CNTNAP2: variants seen among roughly 807,000 people sequenced by gnomAD.
The protein encoded by CNTNAP2 is contactin-associated protein-like 2.
Under a neutral mutation model 155.2 loss-of-function variants are expected in CNTNAP2, and 98 were observed. That is an observed-to-expected ratio of 0.63 (90% confidence interval 0.54 to 0.75). The LOEUF is 0.75. Ranked by LOEUF, CNTNAP2 falls within the 30% of genes least tolerant of loss-of-function variation. CNTNAP2 has a pLI of 0.00. For synonymous variants in CNTNAP2, 651 were observed against 631.2 expected (o/e 1.03, Z -0.47); for missense variants, 1,727 against 1,688.1 (o/e 1.02, Z -0.40).
chr7:146,665,110 G>T (rs955829993), intron 1 of CNTNAP2, among the ~76,000 whole-genome samples: 1 of 151,694 alleles, frequency 6.6e-6, no homozygotes, highest in Non-Finnish European at 1.5e-5. Context: ...CACAATACCC[G>T]GCTGATTTTT....
chr7:147,345,590 T>C (rs1795839957), intron 9 of CNTNAP2, among the ~76,000 whole-genome samples: 1 of 152,182 alleles, frequency 6.6e-6, no homozygotes, highest in Admixed American at 6.5e-5. Flanking sequence ...CAAGACTTTA[T>C]TTTGCTGGGT....
At chr7:147,284,215 A>G (rs572390789) in intron 8 of CNTNAP2, among the ~76,000 whole-genome samples, 1 of 151,672 alleles carries the variant, frequency 6.6e-6, no homozygotes, top group East Asian at 1.9e-4. Flanking sequence ...ATTCCTCTCT[A>G]TGGCACATGA....
At chr7:147,011,443 A>AG (rs1224124768) in intron 3 of CNTNAP2, among the ~76,000 whole-genome samples, 2 of 150,236 alleles carry the variant, frequency 1.3e-5, no homozygotes, top group Non-Finnish European at 3.0e-5. Context: ...AAAAAAAAAA[A>AG]AGGAACAAGG....
intron 1 of CNTNAP2, among the ~76,000 whole-genome samples, chr7:146,244,736 G>A (rs1400578583): frequency 1.3e-5 from 2 of 152,150 alleles, no homozygotes; most frequent in Admixed American, 1.3e-4. Context: ...ATAGAGGTGG[G>A]AAGGCTAAAC....
At chr7:147,489,250 A>G (rs1798563263) in intron 11 of CNTNAP2, among the ~76,000 whole-genome samples, 1 of 152,186 alleles carries the variant, frequency 6.6e-6, no homozygotes, top group African/African-American at 2.4e-5. Flanking sequence ...GAGGACTGTC[A>G]TTTGTGAACT....
chr7:147,240,811 TA>T (rs1471586458), intron 8 of CNTNAP2, among the ~76,000 whole-genome samples: 2 of 152,206 alleles, frequency 1.3e-5, no homozygotes, highest in African/African-American at 4.8e-5. Context: ...AAGATATATA[TA>T]AAAATTCTGT....
At chr7:146,220,947 G>A (rs559568558) in intron 1 of CNTNAP2, among the ~76,000 whole-genome samples, 1 of 152,176 alleles carries the variant, frequency 6.6e-6, no homozygotes, top group African/African-American at 2.4e-5. Context: ...CCCAGTCTGA[G>A]GCCTATGCCC....
chr7:148,384,924 CAAT>C (rs1799156439), intron 22 of CNTNAP2, among the ~76,000 whole-genome samples: 1 of 152,162 alleles, frequency 6.6e-6, no homozygotes, highest in Non-Finnish European at 1.5e-5. Context: ...AGTTTAGCTA[CAAT>C]AATATTAATA....
At chr7:146,687,403 T>C (rs968220449) in intron 1 of CNTNAP2, among the ~76,000 whole-genome samples, 2 of 152,172 alleles carry the variant, frequency 1.3e-5, no homozygotes, top group African/African-American at 2.4e-5. Flanking sequence ...AGATAGTACA[T>C]GGACAAAAAT....
chr7:146,270,347 G>C (rs1800061294), intron 1 of CNTNAP2, among the ~76,000 whole-genome samples: 1 of 152,102 alleles, frequency 6.6e-6, no homozygotes. Context: ...ATGTGTGCTA[G>C]GTAAAATGAA....
At chr7:147,550,723 T>C (rs982218110) in intron 11 of CNTNAP2, among the ~76,000 whole-genome samples, 2 of 152,168 alleles carry the variant, frequency 1.3e-5, no homozygotes, top group African/African-American at 4.8e-5. Flanking sequence ...CAGGCAACTG[T>C]AGAGCTGGGC....
intron 11 of CNTNAP2, 43 bp downstream of exon 11, chr7:147,486,084 G>T (rs1334838423): frequency 1.3e-6 from 2 of 1,529,442 alleles, no homozygotes; most frequent in Admixed American, 1.7e-5. Context: ...AATTGCATGA[G>T]AATCTCAAGT....
intron 21 of CNTNAP2, among the ~76,000 whole-genome samples, chr7:148,359,796 G>T (rs934395783): frequency 6.6e-6 from 1 of 152,174 alleles, no homozygotes; most frequent in Non-Finnish European, 1.5e-5. Flanking sequence ...ATTTCTCACT[G>T]CCCTGGGATA....
At chr7:146,318,418 CA>C (rs1297632437) in intron 1 of CNTNAP2, among the ~76,000 whole-genome samples, 4 of 152,030 alleles carry the variant, frequency 2.6e-5, no homozygotes, top group East Asian at 3.9e-4. Context: ...ATATATTATA[CA>C]GGCAAAATAA....
At chr7:148,248,270 T>C (rs1171081566) in intron 20 of CNTNAP2, among the ~76,000 whole-genome samples, 1 of 151,248 alleles carries the variant, frequency 6.6e-6, no homozygotes, top group African/African-American at 2.4e-5. Context: ...ACAGTCTCAG[T>C]TCACTGCAAC....
chr7:147,065,567 G>A (rs1022873870), intron 4 of CNTNAP2, among the ~76,000 whole-genome samples: 1 of 152,150 alleles, frequency 6.6e-6, no homozygotes, highest in Admixed American at 6.5e-5. Flanking sequence ...ACACAGATTT[G>A]AACCTACATG....
chr7:146,464,433 GA>G (rs934763343), intron 1 of CNTNAP2, among the ~76,000 whole-genome samples: 2 of 152,024 alleles, frequency 1.3e-5, no homozygotes, highest in African/African-American at 4.8e-5. Flanking sequence ...GAGAATAGAA[GA>G]AAACCTCTTA....
chr7:147,331,317 T>A (rs908383406), intron 9 of CNTNAP2, among the ~76,000 whole-genome samples: 1 of 152,148 alleles, frequency 6.6e-6, no homozygotes, highest in Admixed American at 6.5e-5. Flanking sequence ...AACGGTTCTA[T>A]CACTTAGAAT....
At chr7:147,111,002 AG>A (rs1342566243) in intron 5 of CNTNAP2, among the ~76,000 whole-genome samples, 13 of 152,134 alleles carry the variant, frequency 8.5e-5, no homozygotes, top group African/African-American at 3.1e-4. Context: ...ACAGCATAAA[AG>A]CTTTCCTTTT....
Sources: gnomAD v4.1 joint callset for allele counts (sites outside exome capture counted in the v4.1 genomes callset) on GRCh38, gnomAD v4.1.1 for gene constraint, MANE v1.5 for transcripts, NCBI Gene and HGNC (gene_info 2026-07-23, HGNC 2026-07-21) for gene names.